Variants in POC1B observed in about 807,000 individuals in gnomAD.
POC1B encodes the protein POC1 centriolar protein homolog B.
POC1B carries 44 observed loss-of-function variants against 60.6 expected under a neutral mutation model. The observed-to-expected ratio is 0.73, with a 90% CI of 0.57 to 0.93. POC1B has a LOEUF of 0.93. Ranked by LOEUF, POC1B falls within the 40% of genes least tolerant of loss-of-function variation. POC1B has a pLI of 0.00. For synonymous variants in POC1B, 180 were observed against 198.9 expected (o/e 0.90, Z 0.80); for missense variants, 555 against 572.3 (o/e 0.97, Z 0.31).
chr12:89,487,500 A>G (rs1868703998), intron 4 of POC1B, among the ~76,000 whole-genome samples: 2 of 152,306 alleles, frequency 1.3e-5, no homozygotes, highest in South Asian at 4.1e-4. Context: ...AACACCGTCA[A>G]CTGGTACTTC....
At position 89,496,795 on chromosome 12, in the gene POC1B, C is replaced by T. The variant is rs531686399; in HGVS notation, c.272+376G>A. ...GGTTTTCAATAGGGATCCAAGGGCC[C>T]TTGAAGGATCCATGAACGGGCGTTA... On this transcript the variant is annotated intron_variant, in intron 3 of 11. Coordinates refer to ENST00000313546, the MANE Select transcript of POC1B (RefSeq NM_172240.3). Among the ~76,000 whole-genome samples the T allele has an allele frequency of 1.4e-4, 21 of 152,152 alleles. No individual in the cohort carries two copies. In the East Asian group the frequency reaches 3.9e-3, roughly 28 times the overall value.
chr12:89,440,866 C>T (rs971965338), intron 10 of POC1B, among the ~76,000 whole-genome samples: 2 of 152,234 alleles, frequency 1.3e-5, no homozygotes, highest in Non-Finnish European at 2.9e-5. Flanking sequence ...CTTTCCTAGC[C>T]AAGGGAAGCC....
chr12:89,440,783 G>A (rs187857804), intron 10 of POC1B, among the ~76,000 whole-genome samples: 6 of 152,324 alleles, frequency 3.9e-5, no homozygotes, highest in African/African-American at 1.4e-4. Context: ...CGGACAGTGG[G>A]TGCAGCCCAC....
At chr12:89,479,002 G>C (rs894553831) in intron 4 of POC1B, among the ~76,000 whole-genome samples, 3 of 152,130 alleles carry the variant, frequency 2.0e-5, no homozygotes, top group African/African-American at 4.8e-5. Flanking sequence ...AAATTCTTTT[G>C]TAAGTAAAAA....
At position 89,466,794 on chromosome 12, in the gene POC1B, A is replaced by T. The variant is rs1213308998; in HGVS notation, c.1008T>A (p.His336Gln). Residue 336 changes from histidine to glutamine, a missense_variant, in exon 9 of 12, where the codon CAT (histidine) becomes CAA (glutamine). By Grantham distance (24) the His-to-Gln change is conservative. Transcript: ENST00000313546. The stretch of plus-strand genomic sequence containing the variant: ...CTTCTACAGTCTCAACTTTTTCCTC[A>T]TGGGGATGTGGTGTTCTTGGGTAGA... Reference protein sequence around the residue: ...LDIYPRTPHPHEEKVETVEIN... With the variant: ...LDIYPRTPHPQEEKVETVEIN... The T allele has an allele frequency of 6.2e-7, 1 of 1,612,166 alleles. No individual in the cohort carries two copies. The highest frequency in any genetic ancestry group is 2.2e-5 in the East Asian group (1 of 44,764).
Position 89,497,206 on chromosome 12 carries a change from T to C in POC1B, c.237A>G (p.Ser79=). 1 of 1,613,992 alleles carries C rather than the reference T, an allele frequency of 6.2e-7. No homozygotes were observed. The highest frequency in any genetic ancestry group is 1.1e-5 in the South Asian group (1 of 91,072). Residue 79 remains serine (S), a synonymous_variant, in exon 3 of 12, where the codon TCA becomes TCG. Coordinates refer to ENST00000313546, the MANE Select transcript of POC1B (RefSeq NM_172240.3). ...TCCAGAGTCTCACGGTTCTGTCTCG[T>C]GAGGCAGACGCCAATAAGTTTCCAT... is the stretch of plus-strand genomic sequence containing the variant. ...SPHGNLLASA[S]RDRTVRLWIP... is the part of the protein sequence containing the mutation.
chr12:89,458,287 T>C (rs1882337922), intron 10 of POC1B, among the ~76,000 whole-genome samples: 2 of 152,212 alleles, frequency 1.3e-5, no homozygotes, highest in African/African-American at 4.8e-5. Flanking sequence ...GAGTAATTCA[T>C]TGAACATAAA....
intron 2 of POC1B, among the ~76,000 whole-genome samples, chr12:89,504,600 A>AT (rs35761782): frequency 0.7 from 104,344 of 148,204 alleles, 36,679 homozygotes; most frequent in Middle Eastern, 0.81. Context: ...AGAATGATCA[A>AT]TAAAAAAAAA....
At chr12:89,500,542 A>C in intron 2 of POC1B, 1 of 1,607,152 alleles carries the variant, frequency 6.2e-7, no homozygotes, top group Non-Finnish European at 8.5e-7. Context: ...AAGCTGATGA[A>C]GAATTTTACT....
At chr12:89,524,421 C>T (rs750215465) in intron 2 of POC1B, 2 of 1,614,008 alleles carry the variant, frequency 1.2e-6, no homozygotes, top group Non-Finnish European at 1.7e-6. Context: ...TTGACCCCAG[C>T]TCCCTGGCAC....
chr12:89,496,083 C>A (rs1334088589), intron 3 of POC1B, among the ~76,000 whole-genome samples: 1 of 152,074 alleles, frequency 6.6e-6, no homozygotes, highest in African/African-American at 2.4e-5. Flanking sequence ...TTATTACATA[C>A]TCACTATAAT....
In POC1B at chr12:89,421,096, A is replaced by G; in HGVS notation, c.*57T>C. The G allele has an allele frequency of 7.6e-7, 1 of 1,307,982 alleles. No individual in the cohort carries two copies. Among genetic ancestry groups the G allele is most frequent in the African/African-American group, 1.4e-5 (1 of 69,174 alleles). 81.0% of individuals were successfully genotyped at this position (1,307,982 alleles called of 1,614,324 possible). On this transcript the variant is annotated 3_prime_UTR_variant, in exon 12 of 12. Coordinates refer to ENST00000313546, the MANE Select transcript of POC1B (RefSeq NM_172240.3). Reference sequence around the variant, plus strand: ...TATCTTGTACTACCTTCCTGAGTGTATGTACATTTGTTCATTTATTGGGCC... The same window carrying G: ...TATCTTGTACTACCTTCCTGAGTGTGTGTACATTTGTTCATTTATTGGGCC...
chr12:89,498,343 G>A (rs1029446917), intron 2 of POC1B, among the ~76,000 whole-genome samples: 5 of 152,170 alleles, frequency 3.3e-5, no homozygotes, highest in African/African-American at 7.2e-5. Context: ...ATGAAAGGTA[G>A]ATCTAACTCT....
chr12:89,433,922 G>C (rs894033080), intron 10 of POC1B, among the ~76,000 whole-genome samples: 2 of 152,212 alleles, frequency 1.3e-5, no homozygotes, highest in East Asian at 3.8e-4. Flanking sequence ...CCCAGATGGG[G>C]CTGTCACAGG....
At position 89,445,552 on chromosome 12, in the gene POC1B, A is replaced by G. The variant is rs546689736; in HGVS notation, c.1113+14086T>C. ...ATGGTGCTGGGAAAACTGGCTAGCCATATGTAGAAAGCTGAAACTGGATCC... is the reference window on the plus strand; with the variant it reads ...ATGGTGCTGGGAAAACTGGCTAGCCGTATGTAGAAAGCTGAAACTGGATCC... On this transcript the variant is annotated intron_variant, in intron 10 of 11. Coordinates refer to ENST00000313546, the MANE Select transcript of POC1B (RefSeq NM_172240.3). Among the ~76,000 whole-genome samples, 9 of 152,370 alleles carry G rather than the reference A, an allele frequency of 5.9e-5. No individual in the cohort carries two copies. In the East Asian group the frequency reaches 7.7e-4, roughly 13 times the overall value.
At chr12:89,447,239 A>C (rs1009541191) in intron 10 of POC1B, among the ~76,000 whole-genome samples, 1 of 152,194 alleles carries the variant, frequency 6.6e-6, no homozygotes, top group Admixed American at 6.5e-5. Context: ...GTAACTTAAA[A>C]AAATAATATG....
Position 89,470,359 on chromosome 12 carries a change from A to G in POC1B, c.810+2T>C, listed in dbSNP as rs754544190. On this transcript the variant is annotated splice_donor_variant, in intron 7 of 11. Transcript: ENST00000313546. LOFTEE classifies it high-confidence loss of function. The stretch of plus-strand genomic sequence containing the variant: ...AAAAAGCAAGAATCTGAGTGTTAAT[A>G]CCGTATGTCCTTGAAGTGTATAGAT... 9.1e-6 allele frequency: 13 copies of G among 1,426,546 alleles called. No individual in the cohort carries two copies. Among genetic ancestry groups the G allele is most frequent in the Non-Finnish European group, 1.2e-5 (13 of 1,069,774 alleles). 88.4% of individuals were successfully genotyped at this position (1,426,546 alleles called of 1,614,324 possible).
chr12:89,507,194 G>C (rs373912412), intron 2 of POC1B, among the ~76,000 whole-genome samples: 2 of 131,970 alleles, frequency 1.5e-5, no homozygotes, highest in African/African-American at 5.6e-5. Context: ...TGAGGTGGGA[G>C]ATAGAGGCTG....
chr12:89,443,437 G>C (rs1194590280), intron 10 of POC1B, among the ~76,000 whole-genome samples: 1 of 152,052 alleles, frequency 6.6e-6, no homozygotes, highest in Non-Finnish European at 1.5e-5. Context: ...CTAGAACTCA[G>C]GATTAAGAAA....
Sources: allele counts gnomAD v4.1 joint callset (sites outside exome capture counted in the v4.1 genomes callset), GRCh38; gene constraint gnomAD v4.1.1; transcripts MANE v1.5; gene names NCBI Gene and HGNC (gene_info 2026-07-23, HGNC 2026-07-21).